SOS1: variants seen among roughly 807,000 people sequenced by gnomAD.
The protein encoded by SOS1 is son of sevenless homolog 1.
SOS1 carries 25 observed loss-of-function variants against 157.6 expected under a neutral mutation model. The ratio of observed to expected loss-of-function variants is 0.16; its 90% confidence interval spans 0.12 to 0.22. The LOEUF (loss-of-function observed/expected upper bound fraction) is 0.22. SOS1 is among the 10% of genes least tolerant of loss of function. The probability of loss-of-function intolerance (pLI) is 1.00; values close to 1 mark genes in which losing one functional copy is unlikely to be tolerated. For synonymous variants in SOS1, 528 were observed against 534.0 expected, an observed-to-expected ratio of 0.99 and a Z score of 0.16; for missense variants, 1,237 against 1,599.1, an observed-to-expected ratio of 0.77 and a Z score of 3.86.
At chr2:39,112,127 T>G (rs761912635) in intron 1 of SOS1, among the ~76,000 whole-genome samples, 1 of 152,070 alleles carries the variant, frequency 6.6e-6, no homozygotes, top group Non-Finnish European at 1.5e-5. Flanking sequence ...TCCAATCCAT[T>G]ATTTCTCTTA....
At chr2:39,098,301 G>C in intron 1 of SOS1, 1 of 251,428 alleles carries the variant, frequency 4.0e-6, no homozygotes, top group Non-Finnish European at 7.8e-6. Context: ...TTTAGAGTCT[G>C]ATCCAACATC....
intron 8 of SOS1, among the ~76,000 whole-genome samples, chr2:39,029,141 G>C (rs1209702037): frequency 1.3e-5 from 2 of 152,084 alleles, no homozygotes; most frequent in Non-Finnish European, 2.9e-5. Flanking sequence ...ACACCTAAAA[G>C]GTATGGGTGG....
rs397517174 is a variant in SOS1 at position 39,054,822 on chromosome 2, A to G, written c.512T>C (p.Val171Ala). 7.5e-7 allele frequency: 1 copy of G among 1,330,012 alleles called. No individual in the cohort carries two copies. The highest frequency in any genetic ancestry group is 1.1e-6 in the Non-Finnish European group (1 of 922,260). 82.4% of individuals were successfully genotyped at this position (1,330,012 alleles called of 1,614,324 possible). A position where few individuals can be genotyped will look rare whatever the true frequency, so the allele number is the denominator to read the frequency against. Residue 171 changes from valine to alanine, a missense_variant and splice_region_variant, in exon 5 of 23, where the codon GTA becomes GCA. Physicochemically the swap from Val to Ala is moderately conservative, Grantham distance 64. This residue lies in a region of SOS1 where 17 missense variants were observed against 52.7 expected (regional missense o/e 0.32). Coordinates refer to ENST00000402219, the MANE Select transcript of SOS1 (RefSeq NM_005633.4). Reference sequence around the variant, plus strand: ...ATCTTGATGAAACATATCCATCAATACCTATACAGTCAGAGATATAAAAAA... The same window carrying G: ...ATCTTGATGAAACATATCCATCAATGCCTATACAGTCAGAGATATAAAAAA... ...DIKVAMCADKVLMDMFHQDVE... is the reference protein window; with the variant it reads ...DIKVAMCADKALMDMFHQDVE...
intron 20 of SOS1, among the ~76,000 whole-genome samples, chr2:38,989,848 CA>C (rs1310510396): frequency 2.6e-5 from 4 of 151,940 alleles, no homozygotes; most frequent in African/African-American, 7.2e-5. Context: ...TAGTCATAAA[CA>C]TTTTTTTTAA....
intron 10 of SOS1, among the ~76,000 whole-genome samples, chr2:39,017,134 T>G (rs1232681258): frequency 6.6e-6 from 1 of 152,060 alleles, no homozygotes; most frequent in Non-Finnish European, 1.5e-5. Flanking sequence ...GAGATGTAAC[T>G]AGACTTATCT....
At chr2:39,018,292 C>T (rs369788609) in intron 10 of SOS1, among the ~76,000 whole-genome samples, 128 of 151,914 alleles carry the variant, frequency 8.4e-4, no homozygotes, top group African/African-American at 3.1e-3. Flanking sequence ...TCAATATGGT[C>T]AACAACCAAA....
chr2:39,006,996 G>C, intron 16 of SOS1, 35 bp downstream of exon 16: 1 of 1,437,144 alleles, frequency 7.0e-7, no homozygotes, highest in Non-Finnish European at 9.8e-7. Flanking sequence ...AATAGGGAAT[G>C]AAAGTTCATT....
chr2:39,018,439 T>G (rs967524652), intron 10 of SOS1, among the ~76,000 whole-genome samples: 14 of 151,810 alleles, frequency 9.2e-5, no homozygotes, highest in Admixed American at 2.0e-4. Context: ...TAGGTTATTT[T>G]CAAACAGAAA....
intron 5 of SOS1, among the ~76,000 whole-genome samples, chr2:39,053,377 T>C (rs181160724): frequency 2.8e-4 from 42 of 152,212 alleles, no homozygotes; most frequent in Non-Finnish European, 1.5e-5. Context: ...TGAACACCTT[T>C]TGATGTGCTT....
At chr2:39,106,763 T>G (rs1022618508) in intron 1 of SOS1, among the ~76,000 whole-genome samples, 4 of 152,186 alleles carry the variant, frequency 2.6e-5, no homozygotes, top group African/African-American at 9.7e-5. Context: ...TTTCTGCCTG[T>G]GAGGTAGCCC....
chr2:39,057,026 T>C (rs1426617373), intron 3 of SOS1, among the ~76,000 whole-genome samples, 160 bp from the exon 4 acceptor site: 1 of 152,170 alleles, frequency 6.6e-6, no homozygotes, highest in South Asian at 2.1e-4. Flanking sequence ...CAATGAATAA[T>C]ATATGTATTA....
intron 10 of SOS1, among the ~76,000 whole-genome samples, chr2:39,021,135 TCAGA>T (rs1486754049): frequency 6.6e-6 from 1 of 151,602 alleles, no homozygotes; most frequent in African/African-American, 2.4e-5. Flanking sequence ...AAAAGAAGTA[TCAGA>T]CAGAAATAAC....
At position 39,010,723 on chromosome 2, in the gene SOS1, A is replaced by G. The variant is rs1669437524; in HGVS notation, c.2391-20T>C. On this transcript the variant is annotated intron_variant, in intron 14 of 22. Coordinates refer to ENST00000402219, the MANE Select transcript of SOS1 (RefSeq NM_005633.4). ...ACAGCTCTAAAATCATCAATACATA[A>G]TTCTACATGACACTTTTTTCTCTAA... 2.5e-6 allele frequency: 4 copies of G among 1,590,350 alleles called. No individual in the cohort carries two copies. Among genetic ancestry groups the G allele is most frequent in the Non-Finnish European group, 3.5e-6 (4 of 1,159,026 alleles).
At chr2:39,060,418 T>C (rs6754613) in intron 2 of SOS1, among the ~76,000 whole-genome samples, 11,327 of 152,236 alleles carry the variant, frequency 0.074, 1,528 homozygotes, top group African/African-American at 0.26. Flanking sequence ...TGCTATTCTG[T>C]TTTTTATTTG....
At chr2:39,067,109 C>T (rs1027488960) in intron 2 of SOS1, among the ~76,000 whole-genome samples, 1 of 152,152 alleles carries the variant, frequency 6.6e-6, no homozygotes, top group African/African-American at 2.4e-5. Flanking sequence ...CTCCTGGGCT[C>T]AAGTGATCCT....
intron 2 of SOS1, among the ~76,000 whole-genome samples, chr2:39,064,132 C>T (rs576087810): frequency 2.6e-5 from 4 of 152,200 alleles, no homozygotes; most frequent in East Asian, 3.9e-4. Flanking sequence ...GCCACCACAC[C>T]GGCCAAATTT....
In SOS1 at chr2:39,022,795, G is replaced by A; in HGVS notation, c.1633C>T (p.Gln545Ter). The A allele has an allele frequency of 6.2e-7, 1 of 1,613,538 alleles. No individual in the cohort carries two copies. Among genetic ancestry groups the A allele is most frequent in the Non-Finnish European group, 8.5e-7 (1 of 1,179,566 alleles). Reference sequence around the variant, plus strand: ...ATCCTTTCCAGTGTACTCCGGTACTGTAAAGATATCAATGCTGCCATCCAA... The same window carrying A: ...ATCCTTTCCAGTGTACTCCGGTACTATAAAGATATCAATGCTGCCATCCAA... ...NNWMAALISL[Q>*]YRSTLERMLD... The change falls in exon 10 of 23, where the codon CAG (glutamine) becomes TAG (stop). Residue 545 changes from glutamine (Q) to a stop codon, truncating the protein, a stop_gained. Coordinates refer to ENST00000402219, the MANE Select transcript of SOS1 (RefSeq NM_005633.4). LOFTEE classifies it high-confidence loss of function.
intron 1 of SOS1, among the ~76,000 whole-genome samples, chr2:39,114,007 C>T (rs10199955): frequency 0.049 from 7,433 of 152,310 alleles, 675 homozygotes; most frequent in African/African-American, 0.17. Context: ...TGACCAATGA[C>T]CCCTTAGCTG....
intron 1 of SOS1, among the ~76,000 whole-genome samples, chr2:39,108,144 A>C (rs1673274701): frequency 6.6e-6 from 1 of 152,046 alleles, no homozygotes; most frequent in African/African-American, 2.4e-5. Context: ...TTCAATCACC[A>C]ATCTGCCTCT....
Sources: allele counts gnomAD v4.1 joint callset (sites outside exome capture counted in the v4.1 genomes callset), GRCh38; gene constraint gnomAD v4.1.1; regional missense constraint gnomAD v4.1.1; transcripts MANE v1.5; gene names NCBI Gene and HGNC (gene_info 2026-07-23, HGNC 2026-07-21).